The following ERICH1 variants were observed in gnomAD, a reference collection of about 807,000 sequenced individuals.
The protein encoded by ERICH1 is glutamate-rich protein 1.
A neutral mutation model predicts 39.6 loss-of-function variants in ERICH1; 56 were observed. That is an observed-to-expected ratio of 1.41 (90% CI 1.14 to 1.77). The LOEUF (loss-of-function observed/expected upper bound fraction) is 1.77. ERICH1 is among the 40% of genes most tolerant of loss of function. The pLI, the probability that ERICH1 is intolerant of heterozygous loss-of-function variation, is 0.00. For missense variants in ERICH1, 826 were observed against 575.4 expected, an observed-to-expected ratio of 1.44 and a Z score of -4.45; for synonymous variants, 313 against 223.6, an observed-to-expected ratio of 1.40 and a Z score of -3.57.
At chr8:630,469 G>C (rs1797940062) in intron 3 of ERICH1, among the ~76,000 whole-genome samples, 1 of 127,380 alleles carries the variant, frequency 7.9e-6, no homozygotes, top group Non-Finnish European at 1.7e-5. Context: ...CACCCAGACA[G>C]ACAGAGCTGA....
intron 3 of ERICH1, among the ~76,000 whole-genome samples, chr8:639,591 C>G (rs1307909422): frequency 6.6e-6 from 1 of 151,180 alleles, no homozygotes; most frequent in Non-Finnish European, 1.5e-5. Context: ...CAGACACGAC[C>G]AAGCACCCTG....
chr8:647,476 A>ATT lies in ERICH1; in HGVS notation c.976+21120_976+21121dup, dbSNP rs374417991. Among the ~76,000 whole-genome samples the ATT allele has an allele frequency of 2.7e-3, 185 of 68,000 alleles. 68 individuals carry two copies. The highest frequency in any genetic ancestry group is 0.017 in the Middle Eastern group (2 of 120). The allele number at this position is 68,000 out of a possible 152,430, so 44.6% of individuals were successfully genotyped here. ...GCACTGGACCTATACAAGGATAGACATTTGTATGTACGATAATTTAAAAAG... is the reference window on the plus strand; with the variant it reads ...GCACTGGACCTATACAAGGATAGACATTTTTGTATGTACGATAATTTAAAAAG... On this transcript the variant is annotated intron_variant, in intron 3 of 3. Coordinates refer to the ERICH1 transcript ENST00000522706.
intron 3 of ERICH1, 40 bp from the exon 4 acceptor site, chr8:674,087 G>A (rs773015999): frequency 2.5e-5 from 38 of 1,501,514 alleles, no homozygotes; most frequent in Non-Finnish European, 3.2e-5. Context: ...TCAGTACAAT[G>A]AAACCATAAC....
In ERICH1 at chr8:673,407, T is replaced by C. The variant is rs1394366043; in HGVS notation, c.945A>G (p.Ala315=). The C allele has an allele frequency of 3.7e-6, 6 of 1,613,970 alleles. No homozygotes were observed. Among genetic ancestry groups the C allele is most frequent in the Non-Finnish European group, 5.1e-6 (6 of 1,179,996 alleles). The change falls in exon 4 of 6, where the codon GCA becomes GCG. Residue 315 remains alanine (A), a synonymous_variant. Transcript: ENST00000262109. The part of the protein sequence containing the change: ...DPTWAGEEEG[A]DSGEEDGADA... ...CTGCACCGTCCTCCTCCCCGGAGTC[T>C]GCACCCTCTTCCTCCCCAGCCCATG... is the stretch of plus-strand genomic sequence containing the variant.
At chr8:684,125 T>C (rs1806772864) in intron 3 of ERICH1, among the ~76,000 whole-genome samples, 1 of 152,204 alleles carries the variant, frequency 6.6e-6, no homozygotes, top group African/African-American at 2.4e-5. Flanking sequence ...TCTATAACTT[T>C]CCATAAAATG....
intron 3 of ERICH1, chr8:616,437 C>T: frequency 2.3e-6 from 1 of 439,572 alleles, no homozygotes; most frequent in Non-Finnish European, 4.6e-6. Context: ...ACACCCCATG[C>T]TCTCCTGGCT....
At chr8:687,928 G>A (rs1411152066) in intron 3 of ERICH1, among the ~76,000 whole-genome samples, 1 of 152,098 alleles carries the variant, frequency 6.6e-6, no homozygotes, top group Admixed American at 6.5e-5. Context: ...GGTTTCCCGA[G>A]CAGGGTCTGA....
At position 708,681 on chromosome 8, in the gene ERICH1, G is replaced by GTTTTTTTTTTTTTTTTTTTT. The variant is rs139731216; in HGVS notation, c.169+7160_169+7179dup. Among the ~76,000 whole-genome samples, 20 of 65,770 alleles carry GTTTTTTTTTTTTTTTTTTTT rather than the reference G, an allele frequency of 3.0e-4. 2 individuals are homozygous for GTTTTTTTTTTTTTTTTTTTT. Among genetic ancestry groups the GTTTTTTTTTTTTTTTTTTTT allele is most frequent in the Non-Finnish European group, 3.9e-4 (13 of 33,644 alleles). The allele number at this position is 65,770 out of a possible 152,430, so 43.1% of individuals were successfully genotyped here. A position where few individuals can be genotyped will look rare whatever the true frequency, so the allele number is the denominator to read the frequency against. ...GGGCTGAGTGGTTACGGGATAATGAGTTTTTTTTTTTTTTTTTTTTTTTTT... is the reference window on the plus strand; with the variant it reads ...GGGCTGAGTGGTTACGGGATAATGAGTTTTTTTTTTTTTTTTTTTTTTTTTTTTTTTTTTTTTTTTTTTTT... On this transcript the variant is annotated intron_variant, in intron 2 of 5. Coordinates refer to ENST00000262109, the MANE Select transcript of ERICH1 (RefSeq NM_207332.3).
chr8:639,541 C>T (rs142624428), intron 3 of ERICH1, among the ~76,000 whole-genome samples: 13 of 152,180 alleles, frequency 8.5e-5, no homozygotes, highest in Middle Eastern at 3.4e-3. Flanking sequence ...CAGACACGAC[C>T]GAGAACCCTG....
At chr8:615,154 C>T (rs1033928488) in exon 4 of ERICH1, 25 of 624,908 alleles carry the variant, frequency 4.0e-5, no homozygotes, top group Non-Finnish European at 6.2e-5. Flanking sequence ...TAAAAAGTTA[C>T]TATCACACAA....
intron 3 of ERICH1, among the ~76,000 whole-genome samples, chr8:629,831 C>A (rs1271870555): frequency 7.1e-6 from 1 of 140,950 alleles, no homozygotes; most frequent in African/African-American, 3.0e-5. Context: ...ACAGACAAAG[C>A]TGACACACAC....
rs146156612 is a variant in ERICH1, at chr8:631,356, G to A, written c.977-16072C>T. ...GTGAGGTGGTGAAGCTGACTCAGCT[G>A]CCAGAGGGAAGACAGGAGGCTACTC... On this transcript the variant is annotated intron_variant, in intron 3 of 3. Transcript: ENST00000522706. Among the ~76,000 whole-genome samples, 318 of 152,354 alleles carry A rather than the reference G, an allele frequency of 2.1e-3. 2 individuals are homozygous for A. The highest frequency in any genetic ancestry group is 7.2e-3 in the African/African-American group (300 of 41,580).
At chr8:686,690 C>T (rs775446933) in intron 3 of ERICH1, 1 of 152,266 alleles carries the variant, frequency 6.6e-6, no homozygotes, top group Non-Finnish European at 1.5e-5. Flanking sequence ...ATGCATGAGA[C>T]CTCCAAGTCC....
chr8:699,085 G>A (rs183024290), intron 2 of ERICH1, among the ~76,000 whole-genome samples: 44 of 151,972 alleles, frequency 2.9e-4, no homozygotes, highest in African/African-American at 9.4e-4. Context: ...ACCGCACTAC[G>A]GCCTGCGCAA....
intron 2 of ERICH1, among the ~76,000 whole-genome samples, chr8:708,588 C>G (rs921003907): frequency 6.6e-6 from 1 of 151,134 alleles, no homozygotes; most frequent in Non-Finnish European, 1.5e-5. Context: ...TATGACATGT[C>G]CAGAACAGAC....
At chr8:694,349 C>T (rs899311604) in intron 2 of ERICH1, among the ~76,000 whole-genome samples, 1 of 152,220 alleles carries the variant, frequency 6.6e-6, no homozygotes, top group African/African-American at 2.4e-5. Flanking sequence ...AACATTTGAT[C>T]ATTTTTCACA....
chr8:668,995 G>T (rs148811947), intron 4 of ERICH1: 1 of 586,276 alleles, frequency 1.7e-6, no homozygotes, highest in Non-Finnish European at 3.0e-6. Flanking sequence ...TGGAAACCTG[G>T]CCCGTCTACA....
In ERICH1 at chr8:668,600, G is replaced by A. The variant is rs1482113756; in HGVS notation, c.1256C>T (p.Pro419Leu). ...TGAATAAATCGTACGGTACTTACCA[G>A]GAGGCATCGTGCAATGTTCTGGGAA... ...EMFPEHCTMP[P>L]DHARVISAFF... The change falls in exon 5 of 6, where the codon CCT becomes CTT. Residue 419 changes from proline (P) to leucine (L), a missense_variant and splice_region_variant. Coordinates refer to ENST00000262109, the MANE Select transcript of ERICH1 (RefSeq NM_207332.3). 6.2e-7 allele frequency: 1 copy of A among 1,614,214 alleles called. No individual in the cohort carries two copies. The highest frequency in any genetic ancestry group is 2.2e-5 in the East Asian group (1 of 44,882).
At position 692,597 on chromosome 8, in the gene ERICH1, G is replaced by A. The variant is rs1035123495; in HGVS notation, c.185C>T (p.Thr62Ile). 6.2e-7 allele frequency: 1 copy of A among 1,601,810 alleles called. No individual in the cohort carries two copies. The highest frequency in any genetic ancestry group is 8.5e-7 in the Non-Finnish European group (1 of 1,173,084). ...AEPLTDTGSE[T>I]PTARRLYTAS... ...AGTGTAGAGCCGTCGGGCAGTCGGG[G>A]TCTCAGAGCCAGTGTCTGCAACACA... is the stretch of plus-strand genomic sequence containing the variant. The change falls in exon 3 of 6, where the codon ACC becomes ATC. Residue 62 changes from threonine to isoleucine, a missense_variant. Thr to Ile is a moderately conservative substitution (Grantham distance 89). Coordinates refer to ENST00000262109, the MANE Select transcript of ERICH1 (RefSeq NM_207332.3).
Sources: allele counts gnomAD v4.1 joint callset (sites outside exome capture counted in the v4.1 genomes callset), GRCh38; gene constraint gnomAD v4.1.1; transcripts MANE v1.5; gene names NCBI Gene and HGNC (gene_info 2026-07-23, HGNC 2026-07-21).